SPMAP1: variants seen among roughly 807,000 people sequenced by gnomAD.
SPMAP1 encodes sperm microtubule associated protein 1, also known as uncharacterized protein C17orf98.
chr17:38,836,076 G>A, the SPMAP1 span, among the ~76,000 whole-genome samples: 8 of 151,926 alleles, frequency 5.3e-5, no homozygotes, highest in East Asian at 1.9e-4. Flanking sequence ...CACCACGCCC[G>A]GCTAATTTTT....
At chr17:38,835,364 A>G in the SPMAP1 span, 1 of 1,613,754 alleles carries the variant, frequency 6.2e-7, no homozygotes, top group South Asian at 1.1e-5. Flanking sequence ...ACAAGGAGAG[A>G]GAGGCCTGAG....
the SPMAP1 span, chr17:38,841,177 C>A: frequency 1.2e-6 from 2 of 1,612,738 alleles, no homozygotes; most frequent in African/African-American, 2.7e-5. Context: ...CGGGAAGCTC[C>A]TATACCTGAT....
the SPMAP1 span, chr17:38,841,190 G>C: frequency 6.2e-7 from 1 of 1,613,788 alleles, no homozygotes; most frequent in East Asian, 2.2e-5. Flanking sequence ...TACCTGATCA[G>C]TTTTCCGCAA....
the SPMAP1 span, chr17:38,841,333 C>T: frequency 6.2e-7 from 1 of 1,614,192 alleles, no homozygotes; most frequent in Non-Finnish European, 8.5e-7. Context: ...TCACAGCCAC[C>T]CCGTCCAAGA....
At chr17:38,839,558 C>A in the SPMAP1 span, among the ~76,000 whole-genome samples, 1 of 151,626 alleles carries the variant, frequency 6.6e-6, no homozygotes, top group South Asian at 2.1e-4. Flanking sequence ...GAGGCCGAGG[C>A]AGGCAGATCA....
the SPMAP1 span, among the ~76,000 whole-genome samples, chr17:38,836,585 C>CTTTTT: frequency 1.5e-4 from 9 of 58,400 alleles, no homozygotes; most frequent in Non-Finnish European, 2.2e-4. Context: ...TTCTTTCTTT[C>CTTTTT]TTTTTTTTTT....
chr17:38,839,195 C>T, the SPMAP1 span, among the ~76,000 whole-genome samples: 1 of 151,432 alleles, frequency 6.6e-6, no homozygotes, highest in South Asian at 2.1e-4. Flanking sequence ...CCTCCCCAGA[C>T]TCTGGTTCCT....
chr17:38,837,586 T>C, the SPMAP1 span, among the ~76,000 whole-genome samples: 1 of 149,210 alleles, frequency 6.7e-6, no homozygotes, highest in Non-Finnish European at 1.5e-5. Flanking sequence ...GCTGAGGCGG[T>C]ACAATTGCTT....
At chr17:38,835,347 C>G in the SPMAP1 span, 1 of 1,614,088 alleles carries the variant, frequency 6.2e-7, no homozygotes. Context: ...AGAGAATGCC[C>G]TTGGGGACAA....
the SPMAP1 span, among the ~76,000 whole-genome samples, chr17:38,838,793 C>G: frequency 1.3e-5 from 2 of 151,038 alleles, no homozygotes; most frequent in Non-Finnish European, 3.0e-5. Flanking sequence ...AATTAGAAAG[C>G]CTTTTTCAAG....
At chr17:38,837,226 T>G in the SPMAP1 span, 1 of 1,613,204 alleles carries the variant, frequency 6.2e-7, no homozygotes, top group Non-Finnish European at 8.5e-7. Context: ...CATCCCTTCC[T>G]GTACCGCCAT....
At chr17:38,836,208 C>G in the SPMAP1 span, among the ~76,000 whole-genome samples, 8 of 152,120 alleles carry the variant, frequency 5.3e-5, no homozygotes, top group African/African-American at 1.9e-4. Context: ...GCCACTGCAC[C>G]AGGCCAGGAA....
the SPMAP1 span, among the ~76,000 whole-genome samples, chr17:38,840,640 A>G: frequency 6.7e-6 from 1 of 149,174 alleles, no homozygotes; most frequent in Non-Finnish European, 1.5e-5. Context: ...AAAAAAAAAA[A>G]AAAAAAAAAA....
the SPMAP1 span, chr17:38,841,240 G>A: frequency 6.2e-7 from 1 of 1,614,186 alleles, no homozygotes; most frequent in East Asian, 2.2e-5. Context: ...AGCTGCGGGC[G>A]TGGTAGTCCT....
At chr17:38,836,760 G>GT in the SPMAP1 span, among the ~76,000 whole-genome samples, 7 of 151,432 alleles carry the variant, frequency 4.6e-5, no homozygotes, top group South Asian at 2.1e-4. Flanking sequence ...CTGGCTAATT[G>GT]TTTTTTTGTA....
chr17:38,838,807 G>A, the SPMAP1 span, among the ~76,000 whole-genome samples: 1 of 151,064 alleles, frequency 6.6e-6, no homozygotes, highest in African/African-American at 2.4e-5. Context: ...TTTCAAGGCC[G>A]GGTGCGGTGG....
chr17:38,837,135 A>C, the SPMAP1 span: 5 of 1,598,142 alleles, frequency 3.1e-6, no homozygotes, highest in Non-Finnish European at 2.6e-6. Flanking sequence ...TGGAGGCAGC[A>C]CTTGCCTGTC....
At chr17:38,835,327 C>A in the SPMAP1 span, 1 of 1,614,174 alleles carries the variant, frequency 6.2e-7, no homozygotes. Flanking sequence ...CATGCCCAGT[C>A]ACCTGCTGGA....
the SPMAP1 span, chr17:38,841,093 G>T: frequency 1.2e-6 from 1 of 810,118 alleles, no homozygotes; most frequent in East Asian, 2.6e-5. Context: ...GTAAACCGAG[G>T]AGGTGAAAGT....
Sources: allele counts gnomAD v4.1 joint callset (sites outside exome capture counted in the v4.1 genomes callset), GRCh38; gene constraint gnomAD v4.1.1; transcripts MANE v1.5; gene names NCBI Gene and HGNC (gene_info 2026-07-23, HGNC 2026-07-21).